The following SLC9A9 variants were observed in gnomAD, a reference collection of about 807,000 sequenced individuals.
SLC9A9 encodes solute carrier family 9 member A9, also known as sodium/hydrogen exchanger 9.
In SLC9A9, 62 loss-of-function variants were observed where a neutral mutation model predicts 77.8. That is an observed-to-expected ratio of 0.80 (90% CI 0.65 to 0.98). The LOEUF is 0.98. Among genes scored for constraint, SLC9A9 ranks in the 50% least tolerant of loss-of-function variants. The pLI is 0.00. For synonymous variants in SLC9A9, 320 were observed against 283.5 expected (o/e 1.13, Z -1.29); for missense variants, 775 against 774.9 (o/e 1.00, Z 0.00).
chr3:143,830,135 T>C (rs544260519), intron 2 of SLC9A9, among the ~76,000 whole-genome samples: 2 of 152,284 alleles, frequency 1.3e-5, no homozygotes, highest in South Asian at 4.1e-4. Context: ...CAAATATGTA[T>C]AGTGACATAC....
At chr3:143,724,464 T>A (rs2108804878) in intron 4 of SLC9A9, among the ~76,000 whole-genome samples, 1 of 152,342 alleles carries the variant, frequency 6.6e-6, no homozygotes, top group East Asian at 1.9e-4. Flanking sequence ...ACACATGTCT[T>A]CATTGCCCAT....
In SLC9A9 at chr3:143,268,970, GT is replaced by G; in HGVS notation, c.1614del (p.Lys538AsnfsTer4). The G allele has an allele frequency of 6.2e-7, 1 of 1,612,922 alleles. No homozygotes were observed. The part of the protein sequence containing the change: ...MWYSFDHKYL[K>X]PILTHSGPPL... ...GGAGGACCAGAGTGGGTTAAAATTGGTTTCAGATACCTGGGAGGCCTGTTAA... is the reference window on the plus strand; with the variant it reads ...GGAGGACCAGAGTGGGTTAAAATTGGTTCAGATACCTGGGAGGCCTGTTAA... On this transcript the variant is annotated frameshift_variant, in exon 15 of 16. Coordinates refer to ENST00000316549, the MANE Select transcript of SLC9A9 (RefSeq NM_173653.4). LOFTEE classifies it high-confidence loss of function.
At chr3:143,727,530 C>T (rs1458556271) in intron 4 of SLC9A9, among the ~76,000 whole-genome samples, 3 of 152,102 alleles carry the variant, frequency 2.0e-5, no homozygotes, top group East Asian at 3.9e-4. Context: ...CTCTTTAGGA[C>T]CAACACTAGT....
At chr3:143,592,248 T>C (rs1024714381) in intron 6 of SLC9A9, among the ~76,000 whole-genome samples, 2 of 152,214 alleles carry the variant, frequency 1.3e-5, no homozygotes, top group Admixed American at 1.3e-4. Context: ...CCTTGGTGGC[T>C]GGGCGCAGTG....
chr3:143,367,689 C>A (rs575870430), intron 13 of SLC9A9, among the ~76,000 whole-genome samples: 2 of 152,200 alleles, frequency 1.3e-5, no homozygotes, highest in East Asian at 3.9e-4. Context: ...AGATGGGCAG[C>A]GGACAGCAGG....
At chr3:143,485,738 A>G (rs1171208325) in intron 11 of SLC9A9, among the ~76,000 whole-genome samples, 1 of 152,182 alleles carries the variant, frequency 6.6e-6, no homozygotes, top group Non-Finnish European at 1.5e-5. Context: ...ATGGCCATTC[A>G]AAGTAAAAAA....
chr3:143,330,692 A>G (rs1487747660), intron 14 of SLC9A9, among the ~76,000 whole-genome samples: 1 of 152,224 alleles, frequency 6.6e-6, no homozygotes, highest in Non-Finnish European at 1.5e-5. Context: ...CTGTGTTATA[A>G]CAAATGTCAA....
chr3:143,629,606 G>A (rs2038387991), intron 6 of SLC9A9, among the ~76,000 whole-genome samples: 2 of 151,442 alleles, frequency 1.3e-5, no homozygotes, highest in South Asian at 4.2e-4. Flanking sequence ...TGTGTGTAGT[G>A]GGGGGCAAGG....
At chr3:143,303,085 C>T (rs1019062146) in intron 14 of SLC9A9, among the ~76,000 whole-genome samples, 1 of 152,212 alleles carries the variant, frequency 6.6e-6, no homozygotes, top group African/African-American at 2.4e-5. Flanking sequence ...GTGACACACA[C>T]GCTCTGGCTG....
chr3:143,695,323 T>C (rs1303146649), intron 4 of SLC9A9, among the ~76,000 whole-genome samples: 2 of 152,132 alleles, frequency 1.3e-5, no homozygotes, highest in Non-Finnish European at 2.9e-5. Context: ...CTCCTAATGC[T>C]GTCCCTTCCC....
chr3:143,381,791 C>T (rs76303135), intron 13 of SLC9A9, among the ~76,000 whole-genome samples: 1 of 152,308 alleles, frequency 6.6e-6, no homozygotes, highest in Non-Finnish European at 1.5e-5. Context: ...GTGCCTCATT[C>T]CAAGAGCCAT....
intron 1 of SLC9A9, chr3:143,847,817 T>C: frequency 2.9e-6 from 1 of 346,972 alleles, no homozygotes; most frequent in South Asian, 3.2e-5. Flanking sequence ...CTGCTCTTTG[T>C]GACTGCAGAG....
intron 4 of SLC9A9, among the ~76,000 whole-genome samples, chr3:143,727,428 T>A (rs943426945): frequency 4.6e-5 from 7 of 152,166 alleles, no homozygotes; most frequent in African/African-American, 1.7e-4. Context: ...AATGACCTGG[T>A]GCACTGTCCC....
At chr3:143,720,586 C>G (rs1934471156) in intron 4 of SLC9A9, among the ~76,000 whole-genome samples, 1 of 152,148 alleles carries the variant, frequency 6.6e-6, no homozygotes, top group East Asian at 1.9e-4. Context: ...GTATAAGCCT[C>G]CTTGAAATGT....
At chr3:143,815,894 C>G (rs1427869357) in intron 2 of SLC9A9, among the ~76,000 whole-genome samples, 10 of 152,006 alleles carry the variant, frequency 6.6e-5, no homozygotes. Flanking sequence ...CAAACAAAAA[C>G]AACAAAACAA....
chr3:143,750,408 C>A (rs1251847193), intron 4 of SLC9A9, among the ~76,000 whole-genome samples: 1 of 152,160 alleles, frequency 6.6e-6, no homozygotes, highest in Non-Finnish European at 1.5e-5. Flanking sequence ...TAGCCCAGGT[C>A]CTAAGCAAAG....
At chr3:143,661,884 G>A (rs927050845) in intron 5 of SLC9A9, among the ~76,000 whole-genome samples, 16 of 151,786 alleles carry the variant, frequency 1.1e-4, no homozygotes, top group Non-Finnish European at 1.9e-4. Flanking sequence ...TCCTGTTGGA[G>A]TTGTTCTACT....
intron 2 of SLC9A9, among the ~76,000 whole-genome samples, chr3:143,798,072 C>T (rs1327831312): frequency 6.6e-6 from 1 of 152,210 alleles, no homozygotes; most frequent in Non-Finnish European, 1.5e-5. Context: ...GAACATCTCA[C>T]CAATTTTAAA....
chr3:143,752,376 A>G (rs2006758263), intron 4 of SLC9A9, among the ~76,000 whole-genome samples: 2 of 152,172 alleles, frequency 1.3e-5, no homozygotes, highest in Non-Finnish European at 2.9e-5. Context: ...TGAGACCGTA[A>G]GTTTTAGGCA....
Sources: allele counts gnomAD v4.1 joint callset (sites outside exome capture counted in the v4.1 genomes callset), GRCh38; gene constraint gnomAD v4.1.1; transcripts MANE v1.5; gene names NCBI Gene and HGNC (gene_info 2026-07-23, HGNC 2026-07-21).